DSCAM: variants seen among roughly 807,000 people sequenced by gnomAD.
DSCAM encodes the protein cell adhesion molecule DSCAM.
DSCAM carries 47 observed loss-of-function variants against 217.7 expected under a neutral mutation model. The observed-to-expected ratio is 0.22, with a 90% CI of 0.17 to 0.28. DSCAM has a LOEUF of 0.28. DSCAM is among the 10% of genes least tolerant of loss of function. The pLI is 1.00. For missense variants in DSCAM, 2,080 were observed against 2,618.3 expected, an observed-to-expected ratio of 0.79 and a Z score of 4.49; for synonymous variants, 1,056 against 1,015.3, an observed-to-expected ratio of 1.04 and a Z score of -0.76.
intron 3 of DSCAM, among the ~76,000 whole-genome samples, chr21:40,414,518 A>C (rs1229143557): frequency 6.6e-6 from 1 of 152,242 alleles, no homozygotes; most frequent in African/African-American, 2.4e-5. Context: ...ACTTGTGGGA[A>C]TGCAAAATAT....
chr21:40,516,831 T>C (rs977188381), intron 3 of DSCAM, among the ~76,000 whole-genome samples: 1 of 151,500 alleles, frequency 6.6e-6, no homozygotes, highest in Admixed American at 6.6e-5. Context: ...AATCTGGATC[T>C]TGTTTATTCA....
intron 1 of DSCAM, among the ~76,000 whole-genome samples, chr21:40,807,635 T>C (rs912397075): frequency 6.6e-6 from 1 of 152,094 alleles, no homozygotes. Flanking sequence ...ACTGACAATA[T>C]AAAGACCCAA....
intron 20 of DSCAM, among the ~76,000 whole-genome samples, chr21:40,114,335 G>A (rs1308113476): frequency 1.3e-5 from 2 of 150,930 alleles, no homozygotes; most frequent in Admixed American, 6.6e-5. Flanking sequence ...TTTAATATAT[G>A]GTGCTGGGAA....
At chr21:40,227,796 C>T (rs2091346514) in intron 11 of DSCAM, among the ~76,000 whole-genome samples, 1 of 152,200 alleles carries the variant, frequency 6.6e-6, no homozygotes, top group Non-Finnish European at 1.5e-5. Context: ...TTACACCTTA[C>T]ATTAGTGTGG....
At chr21:40,472,599 T>C (rs955400971) in intron 3 of DSCAM, among the ~76,000 whole-genome samples, 2 of 152,186 alleles carry the variant, frequency 1.3e-5, no homozygotes, top group Admixed American at 6.5e-5. Context: ...CCAAAATCAT[T>C]AGGAGCTTAG....
chr21:40,699,915 A>G (rs952995708), intron 2 of DSCAM, among the ~76,000 whole-genome samples: 4 of 152,234 alleles, frequency 2.6e-5, no homozygotes, highest in African/African-American at 9.6e-5. Context: ...CCTAAACAAT[A>G]TATTTTCAAT....
At chr21:40,561,920 T>C (rs1168517128) in intron 3 of DSCAM, among the ~76,000 whole-genome samples, 1 of 152,224 alleles carries the variant, frequency 6.6e-6, no homozygotes, top group Non-Finnish European at 1.5e-5. Flanking sequence ...CATACTTCTC[T>C]TTTAAACTCT....
chr21:40,293,868 G>A (rs1047241410), intron 10 of DSCAM, among the ~76,000 whole-genome samples: 2 of 152,108 alleles, frequency 1.3e-5, no homozygotes, highest in African/African-American at 2.4e-5. Flanking sequence ...TGTTGTTATG[G>A]CAAGACATAC....
At chr21:40,294,294 CA>C (rs2073929238) in intron 10 of DSCAM, among the ~76,000 whole-genome samples, 1 of 151,946 alleles carries the variant, frequency 6.6e-6, no homozygotes, top group Admixed American at 6.6e-5. Context: ...AGAAATTTCC[CA>C]AAGGAGAAGT....
intron 32 of DSCAM, among the ~76,000 whole-genome samples, chr21:40,028,177 G>C (rs1310096979): frequency 9.9e-6 from 1 of 100,812 alleles, no homozygotes; most frequent in East Asian, 3.2e-4. Flanking sequence ...GGCTGCTCGG[G>C]GGTCCGGGGT....
intron 3 of DSCAM, among the ~76,000 whole-genome samples, chr21:40,683,448 A>G (rs1249873089): frequency 6.6e-6 from 1 of 152,202 alleles, no homozygotes; most frequent in Non-Finnish European, 1.5e-5. Context: ...GAAAAAAGAA[A>G]GAAGGAAGGA....
At position 40,089,471 on chromosome 21, in the gene DSCAM, G is replaced by A. The variant is rs189645162; in HGVS notation, c.3851-2184C>T. On this transcript the variant is annotated intron_variant, in intron 21 of 32. Coordinates refer to ENST00000400454, the MANE Select transcript of DSCAM (RefSeq NM_001389.5). ...ATGGGGCCAGGCTCTCTGTGCCTTC[G>A]TGTCCTGGACCCCTTCCTAGGAGGG... 7.6e-4 allele frequency among the ~76,000 whole-genome samples: 115 copies of A among 152,238 alleles called. 1 individual carries two copies. Among genetic ancestry groups the A allele is most frequent in the Admixed American group, 5.8e-3 (88 of 15,296 alleles).
chr21:40,302,907 T>C (rs1219862326), intron 9 of DSCAM, among the ~76,000 whole-genome samples: 4 of 152,204 alleles, frequency 2.6e-5, no homozygotes, highest in South Asian at 2.1e-4. Context: ...GAAATAATAC[T>C]ATGGTTATAA....
chr21:40,621,938 AAG>A (rs2089523870), intron 3 of DSCAM, among the ~76,000 whole-genome samples: 2 of 30,526 alleles, frequency 6.6e-5, no homozygotes, highest in Non-Finnish European at 1.6e-4. Flanking sequence ...GAAAGGAAGG[AAG>A]AAAAAAGAAA....
chr21:40,539,998 G>A (rs1167381403), intron 3 of DSCAM, among the ~76,000 whole-genome samples: 2 of 152,118 alleles, frequency 1.3e-5, no homozygotes, highest in Non-Finnish European at 2.9e-5. Context: ...TAATGTTAGT[G>A]TCGATAGCCT....
chr21:40,311,622 A>C (rs1461998986), intron 9 of DSCAM, among the ~76,000 whole-genome samples: 1 of 152,252 alleles, frequency 6.6e-6, no homozygotes, highest in Non-Finnish European at 1.5e-5. Context: ...CATTTCTAAA[A>C]CTAAAACAAA....
intron 9 of DSCAM, among the ~76,000 whole-genome samples, chr21:40,305,587 G>A (rs1164197555): frequency 6.6e-6 from 1 of 152,096 alleles, no homozygotes; most frequent in Non-Finnish European, 1.5e-5. Flanking sequence ...TAAGGTTTAA[G>A]TCTTTAATCC....
At chr21:40,538,736 T>C (rs2076519615) in intron 3 of DSCAM, among the ~76,000 whole-genome samples, 1 of 152,124 alleles carries the variant, frequency 6.6e-6, no homozygotes, top group Non-Finnish European at 1.5e-5. Flanking sequence ...TCAAATCAGA[T>C]CTTAAGGCCT....
At chr21:40,710,881 A>C (rs1232342219) in intron 1 of DSCAM, among the ~76,000 whole-genome samples, 1 of 152,236 alleles carries the variant, frequency 6.6e-6, no homozygotes, top group Non-Finnish European at 1.5e-5. Context: ...GTCAGAAGTG[A>C]GAATAACATT....
Sources: gnomAD v4.1 joint callset for allele counts (sites outside exome capture counted in the v4.1 genomes callset) on GRCh38, gnomAD v4.1.1 for gene constraint, MANE v1.5 for transcripts, NCBI Gene and HGNC (gene_info 2026-07-23, HGNC 2026-07-21) for gene names.